Variants in UNC13C observed in about 807,000 individuals in gnomAD.
The protein encoded by UNC13C is protein unc-13 homolog C.
UNC13C carries 174 observed loss-of-function variants against 245.4 expected under a neutral mutation model. The observed-to-expected ratio is 0.71, with a 90% CI of 0.63 to 0.80. UNC13C has a LOEUF of 0.80. Among genes scored for constraint, UNC13C ranks in the 30% least tolerant of loss-of-function variants. The pLI is 0.00. For synonymous variants in UNC13C, 992 were observed against 895.1 expected, an observed-to-expected ratio of 1.11 and a Z score of -1.93; for missense variants, 2,829 against 2,602.9, an observed-to-expected ratio of 1.09 and a Z score of -1.89.
Position 54,015,702 on chromosome 15 carries a change from G to A in UNC13C, c.2799G>A (p.Glu933=), listed in dbSNP as rs372899337. The change falls in exon 2 of 33, where the codon GAG becomes GAA. Residue 933 remains glutamate, a synonymous_variant. Transcript: ENST00000260323. ...DGPADDMVSE[E]GLEPLNETSA... ...CAGCAGATGATATGGTTAGTGAAGAGGGGTTAGAACCCTTAAATGAAACAT... is the reference window on the plus strand; with the variant it reads ...CAGCAGATGATATGGTTAGTGAAGAAGGGTTAGAACCCTTAAATGAAACAT... The A allele has an allele frequency of 3.8e-5, 62 of 1,613,514 alleles. No individual in the cohort carries two copies. The African/African-American group carries it at 8.0e-4, about 21-fold the overall frequency.
the UNC13C span, among the ~76,000 whole-genome samples, chr15:53,880,088 T>C: frequency 6.6e-6 from 1 of 152,124 alleles, no homozygotes; most frequent in Non-Finnish European, 1.5e-5. Context: ...GGAGGGCCAC[T>C]ATCATGTCCA....
intron 4 of UNC13C, among the ~76,000 whole-genome samples, chr15:54,179,791 G>C (rs1174049287): frequency 6.6e-6 from 1 of 151,910 alleles, no homozygotes; most frequent in Non-Finnish European, 1.5e-5. Context: ...GAATTCAAAA[G>C]TCTAACAGCA....
intron 4 of UNC13C, among the ~76,000 whole-genome samples, chr15:54,203,983 A>G (rs2140728002): frequency 6.6e-6 from 1 of 151,832 alleles, no homozygotes; most frequent in East Asian, 1.9e-4. Flanking sequence ...GAACAAAATA[A>G]TGGCATTTGC....
chr15:54,260,840 A>C (rs1252146351), intron 8 of UNC13C, among the ~76,000 whole-genome samples: 1 of 141,518 alleles, frequency 7.1e-6, no homozygotes, highest in East Asian at 2.0e-4. Flanking sequence ...CTATCTATAG[A>C]TACTTCTTCA....
At chr15:53,898,834 C>T in the UNC13C span, among the ~76,000 whole-genome samples, 7 of 152,110 alleles carry the variant, frequency 4.6e-5, no homozygotes, top group Non-Finnish European at 1.0e-4. Context: ...GTATACAATA[C>T]AGTATTATTG....
In UNC13C at chr15:54,610,127, C is replaced by A. The variant is rs76961378; in HGVS notation, c.6107-12200C>A. ...TATTGTAGTTTTTTTTTAAATAGAT[C>A]TTATCTTATATACAAAAGAGTTCCT... is the stretch of plus-strand genomic sequence containing the variant. On this transcript the variant is annotated intron_variant, in intron 30 of 32. Coordinates refer to ENST00000260323, the MANE Select transcript of UNC13C (RefSeq NM_001080534.3). Among the ~76,000 whole-genome samples the A allele has an allele frequency of 9.5e-3, 1,449 of 152,192 alleles. 22 individuals carry two copies. The highest frequency in any genetic ancestry group is 0.034 in the African/African-American group (1,407 of 41,536).
intron 4 of UNC13C, among the ~76,000 whole-genome samples, chr15:54,185,468 G>A (rs574562764): frequency 2.7e-5 from 4 of 150,078 alleles, no homozygotes; most frequent in Non-Finnish European, 5.9e-5. Flanking sequence ...GGAAGGAATC[G>A]AGTTTCAGCT....
chr15:53,852,324 G>C, the UNC13C span, among the ~76,000 whole-genome samples: 51 of 152,122 alleles, frequency 3.4e-4, no homozygotes, highest in African/African-American at 1.1e-3. Flanking sequence ...ACATTTTTTC[G>C]AACAGGGCTT....
chr15:54,071,686 A>G (rs1020912655), intron 2 of UNC13C, among the ~76,000 whole-genome samples: 1 of 152,210 alleles, frequency 6.6e-6, no homozygotes, highest in African/African-American at 2.4e-5. Flanking sequence ...ACACTATTTC[A>G]TGACATATGA....
At chr15:54,383,754 G>A (rs974061392) in intron 17 of UNC13C, among the ~76,000 whole-genome samples, 2 of 151,962 alleles carry the variant, frequency 1.3e-5, no homozygotes, top group East Asian at 3.9e-4. Flanking sequence ...CATGATCTTA[G>A]GTCCAGATAA....
chr15:53,974,241 G>A (rs1893629639), upstream of UNC13C, among the ~76,000 whole-genome samples: 1 of 152,188 alleles, frequency 6.6e-6, no homozygotes, highest in Admixed American at 6.5e-5. Flanking sequence ...TAGAAGGTTT[G>A]TTCTGGCACA....
At chr15:54,416,797 T>C in intron 19 of UNC13C, 1 of 413,806 alleles carries the variant, frequency 2.4e-6, no homozygotes, top group South Asian at 1.8e-5. Flanking sequence ...TTCTCTGCTG[T>C]TCCCTATAGC....
At chr15:54,513,670 C>T (rs1010239795) in intron 24 of UNC13C, among the ~76,000 whole-genome samples, 2 of 152,140 alleles carry the variant, frequency 1.3e-5, no homozygotes, top group African/African-American at 4.8e-5. Flanking sequence ...GTACCTTCTT[C>T]CTTTAAAACT....
intron 2 of UNC13C, among the ~76,000 whole-genome samples, chr15:54,056,457 A>T (rs546786951): frequency 6.6e-6 from 1 of 152,356 alleles, no homozygotes; most frequent in African/African-American, 2.4e-5. Flanking sequence ...ATATGGGACT[A>T]TGTGAAAAGA....
intron 2 of UNC13C, among the ~76,000 whole-genome samples, chr15:54,031,495 A>G (rs1896357340): frequency 6.6e-6 from 1 of 152,236 alleles, no homozygotes; most frequent in Non-Finnish European, 1.5e-5. Flanking sequence ...AGGGTGAAGT[A>G]ACATTATTTT....
chr15:54,491,057 T>G (rs908655367), intron 19 of UNC13C, among the ~76,000 whole-genome samples: 6 of 152,228 alleles, frequency 3.9e-5, no homozygotes, highest in African/African-American at 1.4e-4. Flanking sequence ...CTAAGCTCCA[T>G]CTACTTCAGA....
At chr15:54,218,269 T>G (rs1199494801) in intron 4 of UNC13C, among the ~76,000 whole-genome samples, 2 of 151,974 alleles carry the variant, frequency 1.3e-5, no homozygotes, top group African/African-American at 4.8e-5. Flanking sequence ...AGACATAATT[T>G]TCTCCTCCTC....
chr15:54,264,822 T>C (rs1326844137), intron 9 of UNC13C, among the ~76,000 whole-genome samples: 2 of 151,926 alleles, frequency 1.3e-5, no homozygotes, highest in Admixed American at 6.6e-5. Context: ...TTTAATGATA[T>C]CTAGTAAATT....
intron 2 of UNC13C, among the ~76,000 whole-genome samples, chr15:54,137,131 C>A (rs1328884679): frequency 6.6e-6 from 1 of 152,202 alleles, no homozygotes; most frequent in East Asian, 1.9e-4. Flanking sequence ...TGAGCCACTG[C>A]ACTCAGCCGT....
Sources: gnomAD v4.1 joint callset for allele counts (sites outside exome capture counted in the v4.1 genomes callset) on GRCh38, gnomAD v4.1.1 for gene constraint, MANE v1.5 for transcripts, NCBI Gene and HGNC (gene_info 2026-07-23, HGNC 2026-07-21) for gene names.